Variants in BAZ1A observed in about 807,000 individuals in gnomAD.
BAZ1A encodes bromodomain adjacent to zinc finger domain protein 1A.
A neutral mutation model predicts 185.2 loss-of-function variants in BAZ1A; 50 were observed. The observed-to-expected ratio is 0.27, with a 90% CI of 0.22 to 0.34. The LOEUF (loss-of-function observed/expected upper bound fraction) is 0.34. Ranked by LOEUF, BAZ1A falls within the 10% of genes least tolerant of loss-of-function variation. The pLI is 1.00. For missense variants in BAZ1A, 1,356 were observed against 1,839.9 expected, an observed-to-expected ratio of 0.74 and a Z score of 4.81; for synonymous variants, 571 against 615.6, an observed-to-expected ratio of 0.93 and a Z score of 1.07.
At position 34,853,716 on chromosome 14, in the gene BAZ1A, GAC is replaced by G. The variant is rs991293673; in HGVS notation, c.392+8326_392+8327del. 5.5e-3 allele frequency among the ~76,000 whole-genome samples: 845 copies of G among 152,310 alleles called. 8 individuals carry two copies. The highest frequency in any genetic ancestry group is 0.02 in the African/African-American group (814 of 41,562). ...GCAGGAGAATTGCTTGAACCCAGGA[GAC>G]ACAGGTTGCAGTTAGCTGAGATGGT... On this transcript the variant is annotated intron_variant, in intron 3 of 26. Transcript: ENST00000360310.
chr14:34,762,943 G>A (rs150685679), intron 23 of BAZ1A, among the ~76,000 whole-genome samples: 23 of 152,236 alleles, frequency 1.5e-4, no homozygotes, highest in African/African-American at 4.6e-4. Flanking sequence ...TTTGCTACAG[G>A]AGACTACCAC....
chr14:34,818,062 C>T (rs1355700877), intron 4 of BAZ1A, among the ~76,000 whole-genome samples: 1 of 152,146 alleles, frequency 6.6e-6, no homozygotes, highest in Non-Finnish European at 1.5e-5. Context: ...GCATTATTTA[C>T]AGTAACCAAA....
rs1325656285 is a variant in BAZ1A at position 34,794,756 on chromosome 14, T to TCC, written c.1355_1356insGG (p.Thr453GlufsTer3). The TCC allele has an allele frequency of 6.2e-7, 1 of 1,613,534 alleles. No homozygotes were observed. On this transcript the variant is annotated frameshift_variant, in exon 11 of 27. Coordinates refer to ENST00000360310, the MANE Select transcript of BAZ1A (RefSeq NM_013448.3). LOFTEE classifies it high-confidence loss of function. ...GATAACTAAAGCACTTGCCTAGGGTTACTCCATCAGGAAACTCATCTTGAA... is the reference window on the plus strand; with the variant it reads ...GATAACTAAAGCACTTGCCTAGGGTTCCACTCCATCAGGAAACTCATCTTGAA...
intron 3 of BAZ1A, among the ~76,000 whole-genome samples, chr14:34,861,078 T>G (rs891361122): frequency 5.3e-5 from 8 of 152,152 alleles, no homozygotes; most frequent in African/African-American, 1.7e-4. Flanking sequence ...CTTATAATGA[T>G]TCTTCAAATA....
chr14:34,823,171 T>C (rs1242443299), intron 4 of BAZ1A, among the ~76,000 whole-genome samples: 3 of 152,064 alleles, frequency 2.0e-5, no homozygotes, highest in Admixed American at 1.3e-4. Context: ...CTGGCCATCA[T>C]GGTGAAACCC....
Position 34,754,417 on chromosome 14 carries a change from C to CAAA in BAZ1A, c.4474+407_4474+409dup, listed in dbSNP as rs111245900. ...CTGGGCAACAGAGTGAGACGTATCTCAAAAAAAAAAAAAAAGAAAAAAGAA... is the reference window on the plus strand; with the variant it reads ...CTGGGCAACAGAGTGAGACGTATCTCAAAAAAAAAAAAAAAAAAGAAAAAAGAA... On this transcript the variant is annotated intron_variant, in intron 26 of 26. Coordinates refer to ENST00000360310, the MANE Select transcript of BAZ1A (RefSeq NM_013448.3). Among the ~76,000 whole-genome samples, 195 of 104,868 alleles carry CAAA rather than the reference C, an allele frequency of 1.9e-3. 1 individual carries two copies. The highest frequency in any genetic ancestry group is 5.9e-3 in the African/African-American group (163 of 27,818). 68.8% of individuals were successfully genotyped at this position (104,868 alleles called of 152,430 possible). A position where few individuals can be genotyped will look rare whatever the true frequency, so the allele number is the denominator to read the frequency against.
At chr14:34,819,347 G>GCTC (rs2042052933) in intron 4 of BAZ1A, among the ~76,000 whole-genome samples, 1 of 151,968 alleles carries the variant, frequency 6.6e-6, no homozygotes, top group Non-Finnish European at 1.5e-5. Flanking sequence ...AATCCTCTGT[G>GCTC]CTCTGAGTAT....
At chr14:34,825,292 A>G (rs546865308) in intron 4 of BAZ1A, among the ~76,000 whole-genome samples, 23 of 152,090 alleles carry the variant, frequency 1.5e-4, no homozygotes, top group Admixed American at 1.4e-3. Flanking sequence ...TGTCACTACT[A>G]AAAATACAAA....
intron 4 of BAZ1A, among the ~76,000 whole-genome samples, chr14:34,816,289 G>A (rs1238083350): frequency 2.0e-5 from 3 of 151,776 alleles, no homozygotes; most frequent in African/African-American, 4.8e-5. Flanking sequence ...GGGTTTCACC[G>A]TGTTAGACAG....
At chr14:34,768,723 T>C (rs1879014096) in intron 21 of BAZ1A, 3 of 430,766 alleles carry the variant, frequency 7.0e-6, no homozygotes, top group African/African-American at 4.2e-5. Context: ...TCCTCTCTCT[T>C]TTTCTTGTCC....
chr14:34,800,755 T>A (rs184244944), intron 8 of BAZ1A, among the ~76,000 whole-genome samples: 160 of 152,322 alleles, frequency 1.1e-3, no homozygotes, highest in Non-Finnish European at 1.9e-3. Flanking sequence ...AAGTGATTCA[T>A]ATGTACATTC....
At chr14:34,779,452 G>T (rs1206149395) in intron 17 of BAZ1A, among the ~76,000 whole-genome samples, 1 of 147,368 alleles carries the variant, frequency 6.8e-6, no homozygotes, top group Non-Finnish European at 1.5e-5. Flanking sequence ...ATCATATTAG[G>T]TTTGCTTTAG....
chr14:34,813,567 C>T (rs981817329), intron 4 of BAZ1A, among the ~76,000 whole-genome samples: 3 of 152,044 alleles, frequency 2.0e-5, no homozygotes, highest in Admixed American at 6.6e-5. Flanking sequence ...GCCCGTAATC[C>T]GAGCTACTCA....
intron 12 of BAZ1A, among the ~76,000 whole-genome samples, chr14:34,791,682 T>A (rs138215082): frequency 1.3e-5 from 2 of 152,342 alleles, no homozygotes; most frequent in Admixed American, 1.3e-4. Flanking sequence ...GATATCAAGA[T>A]GTCTCCTAAC....
chr14:34,789,020 T>G (rs569043319), intron 12 of BAZ1A, among the ~76,000 whole-genome samples: 1 of 152,302 alleles, frequency 6.6e-6, no homozygotes, highest in African/African-American at 2.4e-5. Flanking sequence ...GGAGAAGCTA[T>G]CTATAAAATT....
chr14:34,868,898 ATGTGTG>A lies in BAZ1A; in HGVS notation c.113+5588_113+5593del, dbSNP rs3062620. ...ATTCTCTCTATGTATGTAAGTATGT[ATGTGTG>A]TGTGTGTGTGTGTGTGTGTGTGTAT... is the stretch of plus-strand genomic sequence containing the variant. On this transcript the variant is annotated intron_variant, in intron 2 of 26. Coordinates refer to ENST00000360310, the MANE Select transcript of BAZ1A (RefSeq NM_013448.3). Among the ~76,000 whole-genome samples the A allele has an allele frequency of 1.6e-3, 152 of 96,116 alleles. 1 individual carries two copies. The highest frequency in any genetic ancestry group is 1.8e-3 in the East Asian group (7 of 3,978). The allele number at this position is 96,116 out of a possible 152,430, so 63.1% of individuals were successfully genotyped here. A position where few individuals can be genotyped will look rare whatever the true frequency, so the allele number is the denominator to read the frequency against.
chr14:34,761,640 A>C, intron 24 of BAZ1A, 117 bp downstream of exon 24: 9 of 872,392 alleles, frequency 1.0e-5, no homozygotes, highest in Non-Finnish European at 1.6e-5. Flanking sequence ...ATTGTTCCCT[A>C]ATAACTTTGT....
intron 3 of BAZ1A, among the ~76,000 whole-genome samples, chr14:34,852,093 C>T (rs558650298): frequency 6.6e-6 from 1 of 151,868 alleles, no homozygotes; most frequent in South Asian, 2.1e-4. Context: ...TGCCACTGCA[C>T]TCCAGCCTGG....
intron 2 of BAZ1A, among the ~76,000 whole-genome samples, chr14:34,872,527 C>T (rs1042600511): frequency 3.3e-5 from 5 of 151,898 alleles, no homozygotes; most frequent in Non-Finnish European, 5.9e-5. Flanking sequence ...TTTGAGCCCA[C>T]GAGGTGGAGG....
Sources: gnomAD v4.1 joint callset for allele counts (sites outside exome capture counted in the v4.1 genomes callset) on GRCh38, gnomAD v4.1.1 for gene constraint, MANE v1.5 for transcripts, NCBI Gene and HGNC (gene_info 2026-07-23, HGNC 2026-07-21) for gene names.